The following CACHD1 variants were observed in gnomAD, a reference collection of about 807,000 sequenced individuals.
CACHD1 encodes VWFA and cache domain-containing protein 1.
CACHD1 carries 71 observed loss-of-function variants against 138.7 expected under a neutral mutation model. The ratio of observed to expected loss-of-function variants is 0.51; its 90% CI spans 0.42 to 0.62. The LOEUF (loss-of-function observed/expected upper bound fraction) is 0.62, where lower values mean the gene tolerates loss of function less well. CACHD1 is among the 20% of genes least tolerant of loss of function. CACHD1 has a pLI of 0.00. For synonymous variants in CACHD1, 578 were observed against 591.5 expected (o/e 0.98, Z 0.33); for missense variants, 1,389 against 1,625.3 (o/e 0.85, Z 2.50).
chr1:64,549,070 T>C (rs140817437), intron 1 of CACHD1, among the ~76,000 whole-genome samples: 50 of 152,280 alleles, frequency 3.3e-4, no homozygotes, highest in African/African-American at 1.2e-3. Flanking sequence ...TCTTTAAAGC[T>C]ACAGTAATTT....
At chr1:64,628,829 A>G (rs1648203721) in intron 4 of CACHD1, among the ~76,000 whole-genome samples, 1 of 152,254 alleles carries the variant, frequency 6.6e-6, no homozygotes, top group Admixed American at 6.5e-5. Flanking sequence ...ACTGGCACAG[A>G]GGAATCATTC....
rs1327637575 is a variant in CACHD1 at position 64,678,111 on chromosome 1, C to G, written c.3093-48C>G. 5 of 1,585,928 alleles carry G rather than the reference C, an allele frequency of 3.2e-6. No homozygotes were observed. In the South Asian group the frequency reaches 5.9e-5, roughly 19 times the overall value. ...TGATGCCCACACTTAAGTGCTGTCC[C>G]CTGCCCCACACTGCTTTATAGAAGA... On this transcript the variant is annotated intron_variant, in intron 22 of 26. Coordinates refer to ENST00000651257, the MANE Select transcript of CACHD1 (RefSeq NM_020925.4).
chr1:64,615,097 G>A (rs1647665707), intron 4 of CACHD1, among the ~76,000 whole-genome samples: 1 of 151,978 alleles, frequency 6.6e-6, no homozygotes, highest in Admixed American at 6.6e-5. Flanking sequence ...CTCCATCACC[G>A]CTCCGTACTT....
intron 13 of CACHD1, among the ~76,000 whole-genome samples, chr1:64,663,417 G>A (rs539806503): frequency 6.6e-6 from 1 of 151,716 alleles, no homozygotes; most frequent in East Asian, 1.9e-4. Flanking sequence ...CGGGCGTGGT[G>A]GCGGTTGCCT....
intron 1 of CACHD1, among the ~76,000 whole-genome samples, chr1:64,522,553 C>G (rs529212991): frequency 1.1e-5 from 1 of 92,956 alleles, no homozygotes; most frequent in Admixed American, 1.4e-4. Context: ...TCCGCCTGCC[C>G]GCTTCAGCCT....
intron 1 of CACHD1, among the ~76,000 whole-genome samples, chr1:64,519,235 T>C (rs185460665): frequency 6.6e-6 from 1 of 152,276 alleles, no homozygotes; most frequent in East Asian, 1.9e-4. Flanking sequence ...ACTGATAAAC[T>C]TTTTGCCTCC....
chr1:64,636,507 G>T (rs1249694979), intron 7 of CACHD1, among the ~76,000 whole-genome samples: 1 of 152,106 alleles, frequency 6.6e-6, no homozygotes, highest in East Asian at 1.9e-4. Flanking sequence ...GAGTCCTAAG[G>T]TTCATGCTAA....
At position 64,550,674 on chromosome 1, in the gene CACHD1, C is replaced by G. The variant is rs1646752124; in HGVS notation, c.261+18C>G. Reference sequence around the variant, plus strand: ...TACAGCAGGTAAGAGGCAATGAGTACTTGACACTCCCTGTCTTTGTCTTGC... The same window carrying G: ...TACAGCAGGTAAGAGGCAATGAGTAGTTGACACTCCCTGTCTTTGTCTTGC... On this transcript the variant is annotated intron_variant, in intron 2 of 26. Coordinates refer to ENST00000651257, the MANE Select transcript of CACHD1 (RefSeq NM_020925.4). 6.6e-7 allele frequency: 1 copy of G among 1,523,778 alleles called. No individual in the cohort carries two copies. Among genetic ancestry groups the G allele is most frequent in the Non-Finnish European group, 9.1e-7 (1 of 1,098,676 alleles). 94.4% of individuals were successfully genotyped at this position (1,523,778 alleles called of 1,614,324 possible). A position where few individuals can be genotyped will look rare whatever the true frequency, so the allele number is the denominator to read the frequency against.
At chr1:64,533,198 A>C (rs1198931862) in intron 1 of CACHD1, among the ~76,000 whole-genome samples, 1 of 152,338 alleles carries the variant, frequency 6.6e-6, no homozygotes, top group East Asian at 1.9e-4. Context: ...TCTACTAAAA[A>C]TACAGAAATT....
At chr1:64,488,002 G>A (rs1646253216) in intron 1 of CACHD1, among the ~76,000 whole-genome samples, 1 of 152,112 alleles carries the variant, frequency 6.6e-6, no homozygotes, top group Non-Finnish European at 1.5e-5. Context: ...TGTTTTGTAA[G>A]TTTCAATTCT....
At chr1:64,533,122 G>A (rs1319166982) in intron 1 of CACHD1, among the ~76,000 whole-genome samples, 2 of 152,174 alleles carry the variant, frequency 1.3e-5, no homozygotes, top group African/African-American at 2.4e-5. Flanking sequence ...TTGGGAGTCC[G>A]AGGCGGGTGA....
At chr1:64,612,625 C>T (rs1412417867) in intron 4 of CACHD1, among the ~76,000 whole-genome samples, 1 of 152,130 alleles carries the variant, frequency 6.6e-6, no homozygotes, top group Non-Finnish European at 1.5e-5. Flanking sequence ...TTTCAAAAAA[C>T]CTGGAAGCAT....
At chr1:64,527,583 A>G (rs894274151) in intron 1 of CACHD1, among the ~76,000 whole-genome samples, 3 of 152,160 alleles carry the variant, frequency 2.0e-5, no homozygotes, top group African/African-American at 7.2e-5. Context: ...GTGTCTCACA[A>G]ATTCCTGAAA....
At chr1:64,500,697 C>T (rs1196834699) in intron 1 of CACHD1, among the ~76,000 whole-genome samples, 4 of 131,984 alleles carry the variant, frequency 3.0e-5, no homozygotes, top group Non-Finnish European at 4.7e-5. Context: ...GCTTGGGCAA[C>T]GTAGCAAGAC....
Position 64,691,622 on chromosome 1 carries a change from AAAG to A in CACHD1, c.*64_*66del. 1.3e-6 allele frequency: 2 copies of A among 1,513,954 alleles called. No individual in the cohort carries two copies. The highest frequency in any genetic ancestry group is 1.8e-6 in the Non-Finnish European group (2 of 1,093,728). The allele number at this position is 1,513,954 out of a possible 1,614,324, so 93.8% of individuals were successfully genotyped here. On this transcript the variant is annotated 3_prime_UTR_variant, in exon 27 of 27. Transcript: ENST00000651257. Reference sequence around the variant, plus strand: ...GAGCTACAGAATGTTCTGGAAAGAAAAAGAACCGGCTTAAAACCCACAGCAAGA... The same window carrying A: ...GAGCTACAGAATGTTCTGGAAAGAAAAACCGGCTTAAAACCCACAGCAAGA...
At position 64,550,973 on chromosome 1, in the gene CACHD1, G is replaced by C. The variant is rs1016298129; in HGVS notation, c.261+317G>C. Among the ~76,000 whole-genome samples, 5 of 152,276 alleles carry C rather than the reference G, an allele frequency of 3.3e-5. No individual in the cohort carries two copies. The South Asian group carries it at 6.2e-4, about 19-fold the overall frequency. On this transcript the variant is annotated intron_variant, in intron 2 of 26. Coordinates refer to ENST00000651257, the MANE Select transcript of CACHD1 (RefSeq NM_020925.4). ...ATCTGATGTAGAAAATAAGTGTCCA[G>C]GCTTTGGAATCAGACAGACCCCACG...
At chr1:64,499,876 C>T (rs1163697744) in intron 1 of CACHD1, among the ~76,000 whole-genome samples, 1 of 152,150 alleles carries the variant, frequency 6.6e-6, no homozygotes, top group Non-Finnish European at 1.5e-5. Flanking sequence ...GTGTTTTATG[C>T]ATTTAAACAT....
At chr1:64,644,392 A>G (rs766449328) in intron 8 of CACHD1, among the ~76,000 whole-genome samples, 3 of 152,266 alleles carry the variant, frequency 2.0e-5, no homozygotes, top group Non-Finnish European at 4.4e-5. Context: ...ATAGGTAGAC[A>G]TGGAAGATGA....
intron 1 of CACHD1, among the ~76,000 whole-genome samples, chr1:64,504,966 A>C (rs1646360877): frequency 6.6e-6 from 1 of 152,204 alleles, no homozygotes. Context: ...TTTCATTTCC[A>C]TGAATTGATA....
Sources: allele counts gnomAD v4.1 joint callset (sites outside exome capture counted in the v4.1 genomes callset), GRCh38; gene constraint gnomAD v4.1.1; transcripts MANE v1.5; gene names NCBI Gene and HGNC (gene_info 2026-07-23, HGNC 2026-07-21).